PCDHA1: variants seen among roughly 807,000 people sequenced by gnomAD.
PCDHA1 encodes the protein protocadherin alpha 1, also known as protocadherin alpha-1.
PCDHA1 carries 42 observed loss-of-function variants against 61.3 expected under a neutral mutation model. That is an observed-to-expected ratio of 0.69 (90% CI 0.54 to 0.89). The LOEUF (loss-of-function observed/expected upper bound fraction) is 0.89, where lower values mean the gene tolerates loss of function less well. PCDHA1 is among the 40% of genes least tolerant of loss of function. PCDHA1 has a pLI of 0.00. For missense variants in PCDHA1, 1,256 were observed against 1,235.3 expected, an observed-to-expected ratio of 1.02 and a Z score of -0.25; for synonymous variants, 610 against 553.8, an observed-to-expected ratio of 1.10 and a Z score of -1.43.
At chr5:140,995,515 C>T (rs1476035141) in intron 3 of PCDHA1, among the ~76,000 whole-genome samples, 2 of 152,078 alleles carry the variant, frequency 1.3e-5, no homozygotes, top group East Asian at 1.9e-4. Context: ...TAACTGAAGC[C>T]TCAGAAATCA....
At chr5:140,993,198 A>C (rs1554253472) in intron 3 of PCDHA1, among the ~76,000 whole-genome samples, 1 of 151,946 alleles carries the variant, frequency 6.6e-6, no homozygotes, top group African/African-American at 2.4e-5. Context: ...AACTCACTAA[A>C]GCTAATTTTT....
At chr5:140,890,747 G>C (rs2062780711) in intron 1 of PCDHA1, among the ~76,000 whole-genome samples, 1 of 152,024 alleles carries the variant, frequency 6.6e-6, no homozygotes, top group African/African-American at 2.4e-5. Context: ...TACTATTTCT[G>C]TCATGCTTTA....
In PCDHA1 at chr5:140,828,733, C is replaced by T. The variant is rs2150158342; in HGVS notation, c.2394+40049C>T. The T allele has an allele frequency of 1.4e-5, 23 of 1,614,096 alleles. No individual in the cohort carries two copies. In the Middle Eastern group the frequency reaches 8.2e-4, roughly 58 times the overall value. On this transcript the variant is annotated intron_variant, in intron 1 of 3. Transcript: ENST00000504120. ...CTGCACACAACTTATTCCTGACAGC[C>T]ACAGATGGGGGCAAACCTGAGCTCA...
chr5:140,875,498 C>G lies in PCDHA1; in HGVS notation c.2394+86814C>G. 1.9e-6 allele frequency: 3 copies of G among 1,613,292 alleles called. No homozygotes were observed. Among genetic ancestry groups the G allele is most frequent in the Non-Finnish European group, 1.7e-6 (2 of 1,179,476 alleles). ...ATGGTGATTATCGGACCAAGAGGCCCGGGATCCCAGCGTCTGCTGCTCTCG... is the reference window on the plus strand; with the variant it reads ...ATGGTGATTATCGGACCAAGAGGCCGGGGATCCCAGCGTCTGCTGCTCTCG... On this transcript the variant is annotated intron_variant, in intron 1 of 3. Transcript: ENST00000504120.
rs370640529 is a variant in PCDHA1, at chr5:140,968,552, C to G, written c.2395-10397C>G. 5 of 1,614,184 alleles carry G rather than the reference C, an allele frequency of 3.1e-6. No homozygotes were observed. The East Asian group carries it at 1.1e-4, about 36-fold the overall frequency. ...GTCAGCAGCCTTCGAGATGGTGCCT[C>G]GAACTGCCCCTGCTGGCTACCTGGT... On this transcript the variant is annotated intron_variant, in intron 1 of 3. Coordinates refer to ENST00000504120, the MANE Select transcript of PCDHA1 (RefSeq NM_018900.4).
intron 1 of PCDHA1, chr5:140,926,959 G>A: frequency 6.2e-7 from 1 of 1,604,022 alleles, no homozygotes; most frequent in Non-Finnish European, 8.5e-7. Context: ...GGGACAGCTC[G>A]AGTACTCAGT....
At chr5:141,006,894 A>G (rs781832084) in intron 3 of PCDHA1, among the ~76,000 whole-genome samples, 6 of 152,212 alleles carry the variant, frequency 3.9e-5, no homozygotes, top group African/African-American at 7.2e-5. Context: ...TTGATTTCAG[A>G]TTTCTTCAGT....
In PCDHA1 at chr5:140,928,656, T is replaced by A. The variant is rs116598649; in HGVS notation, c.2395-50293T>A. ...TCACAAAAGTGGTAGCAGAGGATGC[T>A]GACAGTGGTTCTAATGCCTGGCTTT... On this transcript the variant is annotated intron_variant, in intron 1 of 3. Transcript: ENST00000504120. 5,180 of 1,614,228 alleles carry A rather than the reference T, an allele frequency of 3.2e-3. 26 individuals are homozygous for A. Among genetic ancestry groups the A allele is most frequent in the African/African-American group, 0.019 (1,449 of 75,056 alleles).
intron 1 of PCDHA1, among the ~76,000 whole-genome samples, chr5:140,798,154 G>A (rs1554120591): frequency 1.3e-5 from 2 of 152,178 alleles, no homozygotes. Context: ...TTACAGGAGT[G>A]AGCCACTGCA....
chr5:141,000,393 C>A (rs60881126), intron 3 of PCDHA1, among the ~76,000 whole-genome samples: 1,562 of 52,558 alleles, frequency 0.03, 14 homozygotes, highest in East Asian at 0.037. Context: ...CTCTCTCTCT[C>A]TCTATATATA....
chr5:140,851,635 T>TG lies in PCDHA1; in HGVS notation c.2394+62951_2394+62952insG, dbSNP rs758488624. On this transcript the variant is annotated intron_variant, in intron 1 of 3. Coordinates refer to ENST00000504120, the MANE Select transcript of PCDHA1 (RefSeq NM_018900.4). ...AGAAAATGCTTTTTAAACAAGTGTTTCCTTTCTTCAAGAAGACATTCTCCT... is the reference window on the plus strand; with the variant it reads ...AGAAAATGCTTTTTAAACAAGTGTTTGCCTTTCTTCAAGAAGACATTCTCCT... 201 of 917,124 alleles carry TG rather than the reference T, an allele frequency of 2.2e-4. 10 individuals are homozygous for TG. The highest frequency in any genetic ancestry group is 3.2e-4 in the Admixed American group (5 of 15,868). The allele number at this position is 917,124 out of a possible 1,614,324, so 56.8% of individuals were successfully genotyped here. A position where few individuals can be genotyped will look rare whatever the true frequency, so the allele number is the denominator to read the frequency against.
At chr5:140,998,769 G>A (rs1210690974) in intron 3 of PCDHA1, among the ~76,000 whole-genome samples, 1 of 152,054 alleles carries the variant, frequency 6.6e-6, no homozygotes, top group Non-Finnish European at 1.5e-5. Flanking sequence ...TCACTATGTT[G>A]GTCAGGCTGG....
chr5:140,966,206 T>C, intron 1 of PCDHA1: 1 of 227,662 alleles, frequency 4.4e-6, no homozygotes, highest in Non-Finnish European at 8.5e-6. Context: ...GCTTGACTGC[T>C]TTTCCCAGAC....
intron 1 of PCDHA1, chr5:140,822,221 C>A (rs2150114637): frequency 6.2e-7 from 1 of 1,614,218 alleles, no homozygotes; most frequent in Non-Finnish European, 8.5e-7. Context: ...ATGCCAGATT[C>A]GCGGTTTCCG....
intron 3 of PCDHA1, among the ~76,000 whole-genome samples, chr5:140,986,736 A>G (rs1056820843): frequency 1.3e-5 from 2 of 152,206 alleles, no homozygotes; most frequent in Non-Finnish European, 2.9e-5. Flanking sequence ...TCAAGACCCC[A>G]GGGGATCTGG....
intron 1 of PCDHA1, chr5:140,823,650 G>A (rs2150127919): frequency 5.6e-6 from 9 of 1,613,996 alleles, no homozygotes; most frequent in South Asian, 1.1e-5. Context: ...GCGTGGGGCT[G>A]TACACAGGCG....
rs1368694746 is a variant in PCDHA1, at chr5:140,870,609, G to T, written c.2394+81925G>T. ...TGGAGCGGCGGTTGGGCGACCGCGC[G>T]CTGTCGAGCTACGTGTCGGTGCACG... On this transcript the variant is annotated intron_variant, in intron 1 of 3. Coordinates refer to ENST00000504120, the MANE Select transcript of PCDHA1 (RefSeq NM_018900.4). The T allele has an allele frequency of 5.0e-6, 8 of 1,613,114 alleles. No homozygotes were observed. In the East Asian group the frequency reaches 1.8e-4, roughly 36 times the overall value.
chr5:140,902,381 A>G (rs2153476778), intron 1 of PCDHA1, among the ~76,000 whole-genome samples: 1 of 152,036 alleles, frequency 6.6e-6, no homozygotes, highest in South Asian at 2.1e-4. Flanking sequence ...TGCTCTAGCT[A>G]AGAGTACTAT....
chr5:140,934,528 G>T (rs782284913), intron 1 of PCDHA1, among the ~76,000 whole-genome samples: 26 of 152,112 alleles, frequency 1.7e-4, no homozygotes, highest in Non-Finnish European at 2.2e-4. Flanking sequence ...CACTTCGAGA[G>T]CTACCGTTCT....
Sources: gnomAD v4.1 joint callset for allele counts (sites outside exome capture counted in the v4.1 genomes callset) on GRCh38, gnomAD v4.1.1 for gene constraint, MANE v1.5 for transcripts, NCBI Gene and HGNC (gene_info 2026-07-23, HGNC 2026-07-21) for gene names.